The following NETO2 variants were observed in gnomAD, a reference collection of about 807,000 sequenced individuals.
NETO2 encodes neuropilin and tolloid like 2.
In NETO2, 28 loss-of-function variants were observed where a neutral mutation model predicts 62.5. That is an observed-to-expected ratio of 0.45 (90% CI 0.33 to 0.61). NETO2 has a LOEUF of 0.61. Ranked by LOEUF, NETO2 falls within the 20% of genes least tolerant of loss-of-function variation. NETO2 has a pLI of 0.02. For synonymous variants in NETO2, 214 were observed against 219.1 expected, an observed-to-expected ratio of 0.98 and a Z score of 0.21; for missense variants, 548 against 643.2, an observed-to-expected ratio of 0.85 and a Z score of 1.60.
At position 47,080,903 on chromosome 16, in the gene NETO2, T is replaced by G. The variant is rs1856817587; in HGVS notation, c.*2318A>C. The G allele has an allele frequency of 6.6e-6, 1 of 152,186 alleles. No individual in the cohort carries two copies. Among genetic ancestry groups the G allele is most frequent in the African/African-American group, 2.4e-5 (1 of 41,478 alleles). 9.4% of individuals were successfully genotyped at this position (152,186 alleles called of 1,614,324 possible). On this transcript the variant is annotated 3_prime_UTR_variant, in exon 9 of 9. Transcript: ENST00000562435. ...AGCCTCTGCACATAAGTTTTTTTAC[T>G]GTGAAAAGCAAAAAGTGTTTTAGCA...
intron 6 of NETO2, among the ~76,000 whole-genome samples, chr16:47,121,438 T>C (rs1291934093): frequency 2.6e-5 from 4 of 152,218 alleles, no homozygotes; most frequent in Non-Finnish European, 5.9e-5. Context: ...TTGGACTTCA[T>C]GACTCCTGGG....
intron 3 of NETO2, 76 bp downstream of exon 3, chr16:47,129,148 C>T: frequency 7.2e-7 from 1 of 1,380,238 alleles, no homozygotes; most frequent in South Asian, 1.2e-5. Context: ...AACTGGTTTA[C>T]ATAGGTCATT....
intron 4 of NETO2, among the ~76,000 whole-genome samples, chr16:47,124,561 C>T (rs536953516): frequency 6.6e-6 from 1 of 152,260 alleles, no homozygotes; most frequent in African/African-American, 2.4e-5. Context: ...GCTAATTATG[C>T]ATTGCCTATT....
intron 6 of NETO2, among the ~76,000 whole-genome samples, chr16:47,120,792 A>C (rs1016753382): frequency 1.3e-5 from 2 of 152,122 alleles, no homozygotes; most frequent in South Asian, 2.1e-4. Context: ...TTGTTTAATA[A>C]CTTTTCTCCT....
intron 7 of NETO2, among the ~76,000 whole-genome samples, chr16:47,106,761 T>C (rs1376617830): frequency 5.3e-5 from 8 of 152,022 alleles, no homozygotes; most frequent in African/African-American, 9.7e-5. Context: ...TGAATTGATA[T>C]GGAATGGTTT....
At chr16:47,108,027 C>T (rs924958065) in intron 7 of NETO2, among the ~76,000 whole-genome samples, 4 of 152,060 alleles carry the variant, frequency 2.6e-5, no homozygotes, top group African/African-American at 7.2e-5. Flanking sequence ...TCTGCCGCCT[C>T]GGCCTCCCAA....
At chr16:47,129,185 A>C (rs1406779305) in intron 3 of NETO2, 39 bp downstream of exon 3, 5 of 1,587,874 alleles carry the variant, frequency 3.1e-6, no homozygotes, top group South Asian at 1.1e-5. Flanking sequence ...TTTTACAATA[A>C]AGTAAAAATT....
At chr16:47,103,419 C>T (rs2143870330) in intron 7 of NETO2, among the ~76,000 whole-genome samples, 1 of 152,078 alleles carries the variant, frequency 6.6e-6, no homozygotes, top group South Asian at 2.1e-4. Flanking sequence ...ACATGTATCC[C>T]AGAACTTCAA....
intron 1 of NETO2, among the ~76,000 whole-genome samples, chr16:47,136,766 A>G (rs1187348233): frequency 6.6e-6 from 1 of 152,208 alleles, no homozygotes; most frequent in Non-Finnish European, 1.5e-5. Context: ...TGGATTTAAT[A>G]AATGGTTCTG....
At chr16:47,124,101 T>C (rs904961726) in intron 4 of NETO2, among the ~76,000 whole-genome samples, 1 of 152,222 alleles carries the variant, frequency 6.6e-6, no homozygotes, top group South Asian at 2.1e-4. Context: ...GTTATCAAAT[T>C]ACATATTTTA....
At chr16:47,132,377 C>T (rs188666256) in intron 1 of NETO2, among the ~76,000 whole-genome samples, 2 of 151,586 alleles carry the variant, frequency 1.3e-5, no homozygotes, top group East Asian at 3.9e-4. Context: ...TAGTCCATCT[C>T]AAAGTTTACA....
At chr16:47,105,111 T>A (rs1963645506) in intron 7 of NETO2, among the ~76,000 whole-genome samples, 2 of 151,986 alleles carry the variant, frequency 1.3e-5, no homozygotes, top group Non-Finnish European at 2.9e-5. Context: ...CTGCCTAGGC[T>A]GGTCTCAAAC....
At chr16:47,084,304 C>T (rs1361973358) in intron 8 of NETO2, among the ~76,000 whole-genome samples, 1 of 152,200 alleles carries the variant, frequency 6.6e-6, no homozygotes, top group Non-Finnish European at 1.5e-5. Context: ...TTTACGACAG[C>T]CATATCAGAT....
intron 4 of NETO2, among the ~76,000 whole-genome samples, chr16:47,127,483 A>G (rs1156539412): frequency 6.6e-6 from 1 of 152,234 alleles, no homozygotes; most frequent in Non-Finnish European, 1.5e-5. Context: ...ATATTACAAG[A>G]CAAAAGATGC....
intron 6 of NETO2, among the ~76,000 whole-genome samples, chr16:47,115,299 T>G (rs551108348): frequency 6.6e-6 from 1 of 152,306 alleles, no homozygotes; most frequent in South Asian, 2.1e-4. Flanking sequence ...GAAATTGTAT[T>G]CATCTGTGTA....
chr16:47,114,779 G>A (rs1447113854), intron 6 of NETO2, among the ~76,000 whole-genome samples: 1 of 151,890 alleles, frequency 6.6e-6, no homozygotes, highest in Non-Finnish European at 1.5e-5. Context: ...TACTCTTTCG[G>A]TGTTGCATCT....
At chr16:47,135,890 A>G (rs1465644355) in intron 1 of NETO2, among the ~76,000 whole-genome samples, 1 of 152,204 alleles carries the variant, frequency 6.6e-6, no homozygotes. Flanking sequence ...AAAAACCTCA[A>G]GAGAATTATT....
At chr16:47,143,499 G>A (rs1028341529) in intron 1 of NETO2, 80 bp downstream of exon 1, 9 of 1,209,868 alleles carry the variant, frequency 7.4e-6, no homozygotes, top group Admixed American at 8.8e-5. Context: ...GCGGGTAAGG[G>A]ACGCAGAGGC....
chr16:47,115,406 T>C (rs1170023682), intron 6 of NETO2, among the ~76,000 whole-genome samples: 1 of 152,154 alleles, frequency 6.6e-6, no homozygotes, highest in African/African-American at 2.4e-5. Flanking sequence ...ATTTTCATTA[T>C]GGTCTTTTAA....
Sources: gnomAD v4.1 joint callset for allele counts (sites outside exome capture counted in the v4.1 genomes callset) on GRCh38, gnomAD v4.1.1 for gene constraint, MANE v1.5 for transcripts, NCBI Gene and HGNC (gene_info 2026-07-23, HGNC 2026-07-21) for gene names.